The following LRRC75A variants were observed in gnomAD, a reference collection of about 807,000 sequenced individuals.
LRRC75A encodes the protein leucine rich repeat containing 75A.
A neutral mutation model predicts 26.0 loss-of-function variants in LRRC75A; 12 were observed. The observed-to-expected ratio is 0.46, with a 90% CI of 0.30 to 0.75. The LOEUF is 0.75. Ranked by LOEUF, LRRC75A falls within the 30% of genes least tolerant of loss-of-function variation. LRRC75A has a pLI of 0.08. For missense variants in LRRC75A, 410 were observed against 486.6 expected, an observed-to-expected ratio of 0.84 and a Z score of 1.48; for synonymous variants, 223 against 219.3, an observed-to-expected ratio of 1.02 and a Z score of -0.15.
intron 1 of LRRC75A, among the ~76,000 whole-genome samples, chr17:16,484,753 A>T (rs1051941730): frequency 3.3e-5 from 5 of 152,168 alleles, no homozygotes; most frequent in African/African-American, 1.2e-4. Context: ...AGACACGCGG[A>T]CACTGAGGGC....
chr17:16,457,776 G>A (rs1390632284), intron 2 of LRRC75A, among the ~76,000 whole-genome samples: 1 of 150,778 alleles, frequency 6.6e-6, no homozygotes, highest in Admixed American at 6.6e-5. Flanking sequence ...GACCAGCCTT[G>A]GCAACATAGT....
At position 16,443,374 on chromosome 17, in the gene LRRC75A, G is replaced by A. The variant is rs2093550667; in HGVS notation, c.*214C>T. 2 of 524,684 alleles carry A rather than the reference G, an allele frequency of 3.8e-6. No homozygotes were observed. The highest frequency in any genetic ancestry group is 6.5e-5 in the South Asian group (2 of 30,562). The allele number at this position is 524,684 out of a possible 1,614,324, so 32.5% of individuals were successfully genotyped here. ...GGGATGACTTAAGAACCAAATGGCAGATAATGGGATAGGGGGCAGATGCAG... is the reference window on the plus strand; with the variant it reads ...GGGATGACTTAAGAACCAAATGGCAAATAATGGGATAGGGGGCAGATGCAG... On this transcript the variant is annotated 3_prime_UTR_variant, in exon 4 of 4. Coordinates refer to ENST00000470794, the MANE Select transcript of LRRC75A (RefSeq NM_001113567.3).
At position 16,444,792 on chromosome 17, in the gene LRRC75A, C is replaced by G. The variant is rs183973368; in HGVS notation, c.492-661G>C. ...TTCCCTGCACACCCCCCACCCCACCCCCGCCATCTGTTTGCTGGCTCCAAG... is the reference window on the plus strand; with the variant it reads ...TTCCCTGCACACCCCCCACCCCACCGCCGCCATCTGTTTGCTGGCTCCAAG... On this transcript the variant is annotated intron_variant, in intron 3 of 3. Coordinates refer to ENST00000470794, the MANE Select transcript of LRRC75A (RefSeq NM_001113567.3). 6.0e-3 allele frequency among the ~76,000 whole-genome samples: 908 copies of G among 152,002 alleles called. 10 individuals are homozygous for G. Among genetic ancestry groups the G allele is most frequent in the African/African-American group, 0.02 (845 of 41,420 alleles).
chr17:16,478,131 T>TG (rs2093825415), intron 1 of LRRC75A, among the ~76,000 whole-genome samples: 1 of 151,466 alleles, frequency 6.6e-6, no homozygotes, highest in Non-Finnish European at 1.5e-5. Context: ...GCATACCTGC[T>TG]CTCAGGTCCC....
chr17:16,455,613 C>G (rs896617547), intron 2 of LRRC75A, among the ~76,000 whole-genome samples: 2 of 152,138 alleles, frequency 1.3e-5, no homozygotes, highest in African/African-American at 4.8e-5. Context: ...AAATCCTGAC[C>G]TCAAGTGGTC....
intron 1 of LRRC75A, among the ~76,000 whole-genome samples, chr17:16,468,100 T>C (rs2099865197): frequency 6.6e-6 from 1 of 152,256 alleles, no homozygotes; most frequent in African/African-American, 2.4e-5. Flanking sequence ...GGAAACTTTG[T>C]GCGCTGCTGG....
rs1158398431 is a variant in LRRC75A at position 16,492,137 on chromosome 17, G to A, written c.-147C>T. ...CGCGCGGGCGTCGCGGGGGCGGGCG[G>A]GCGGGCGGCTGTCGGCGCTCCCCGC... On this transcript the variant is annotated 5_prime_UTR_variant, in exon 1 of 4. Coordinates refer to ENST00000470794, the MANE Select transcript of LRRC75A (RefSeq NM_001113567.3). 5 of 628,962 alleles carry A rather than the reference G, an allele frequency of 7.9e-6. No homozygotes were observed. The highest frequency in any genetic ancestry group is 6.2e-5 in the Admixed American group (1 of 16,066). 39.0% of individuals were successfully genotyped at this position (628,962 alleles called of 1,614,324 possible). A position where few individuals can be genotyped will look rare whatever the true frequency, so the allele number is the denominator to read the frequency against.
intron 1 of LRRC75A, among the ~76,000 whole-genome samples, chr17:16,480,129 C>T (rs750686065): frequency 1.3e-5 from 2 of 152,180 alleles, no homozygotes; most frequent in East Asian, 1.9e-4. Context: ...CAGATGGGAC[C>T]GTCTAGTTGC....
chr17:16,446,558 G>A (rs2093587657), intron 3 of LRRC75A, among the ~76,000 whole-genome samples: 1 of 152,138 alleles, frequency 6.6e-6, no homozygotes, highest in African/African-American at 2.4e-5. Flanking sequence ...GAGCAGGAGA[G>A]GTGAGACGAG....
At chr17:16,444,358 T>C (rs905706477) in intron 3 of LRRC75A, among the ~76,000 whole-genome samples, 2 of 152,226 alleles carry the variant, frequency 1.3e-5, no homozygotes, top group African/African-American at 4.8e-5. Context: ...GCCTGAGGTA[T>C]GTGGCTGCCC....
chr17:16,476,920 A>G (rs1310538345), intron 1 of LRRC75A, among the ~76,000 whole-genome samples: 1 of 151,672 alleles, frequency 6.6e-6, no homozygotes, highest in East Asian at 1.9e-4. Context: ...TTGTATTTTT[A>G]GTAGAGACGG....
intron 1 of LRRC75A, among the ~76,000 whole-genome samples, chr17:16,477,697 G>A (rs886076893): frequency 6.6e-6 from 1 of 152,180 alleles, no homozygotes; most frequent in African/African-American, 2.4e-5. Context: ...GAACACCAAG[G>A]GGCTGCCAGA....
chr17:16,471,157 G>A (rs2093804674), intron 1 of LRRC75A, among the ~76,000 whole-genome samples: 1 of 152,206 alleles, frequency 6.6e-6, no homozygotes, highest in African/African-American at 2.4e-5. Flanking sequence ...TCCAAAACAA[G>A]TGTTCTTACA....
chr17:16,461,976 T>C (rs982420635), intron 2 of LRRC75A, among the ~76,000 whole-genome samples: 1 of 152,188 alleles, frequency 6.6e-6, no homozygotes, highest in Non-Finnish European at 1.5e-5. Context: ...GAGGGCTTCA[T>C]GTTGCTGGAG....
chr17:16,456,719 G>C (rs2093688453), intron 2 of LRRC75A, among the ~76,000 whole-genome samples: 1 of 152,206 alleles, frequency 6.6e-6, no homozygotes, highest in South Asian at 2.1e-4. Flanking sequence ...CTAGCACCTT[G>C]GTCTAACTTG....
chr17:16,451,764 A>G (rs1005500730), intron 2 of LRRC75A, among the ~76,000 whole-genome samples: 8 of 146,198 alleles, frequency 5.5e-5, no homozygotes, highest in Admixed American at 4.1e-4. Flanking sequence ...CTTTTTTTTG[A>G]GACGGAGTAT....
chr17:16,452,001 C>T (rs952883941), intron 2 of LRRC75A, among the ~76,000 whole-genome samples: 1 of 149,998 alleles, frequency 6.7e-6, no homozygotes, highest in Non-Finnish European at 1.5e-5. Context: ...CCCGCCTCGG[C>T]CTCCCATTAC....
At chr17:16,460,076 AG>A (rs1161401808) in intron 2 of LRRC75A, among the ~76,000 whole-genome samples, 1 of 152,094 alleles carries the variant, frequency 6.6e-6, no homozygotes, top group Non-Finnish European at 1.5e-5. Flanking sequence ...TGATTAGGCC[AG>A]GGGGGTGGAG....
At chr17:16,460,899 C>G (rs1286123421) in intron 2 of LRRC75A, 1 of 152,342 alleles carries the variant, frequency 6.6e-6, no homozygotes, top group African/African-American at 2.4e-5. Flanking sequence ...CTAGGCAGAA[C>G]CGGGTGGAAC....
Sources: allele counts gnomAD v4.1 joint callset (sites outside exome capture counted in the v4.1 genomes callset), GRCh38; gene constraint gnomAD v4.1.1; transcripts MANE v1.5; gene names NCBI Gene and HGNC (gene_info 2026-07-23, HGNC 2026-07-21).